ATM: variants seen among roughly 807,000 people sequenced by gnomAD.
ATM encodes the protein serine-protein kinase ATM.
In ATM, 308 loss-of-function variants were observed where a neutral mutation model predicts 387.0. The observed-to-expected ratio is 0.80, with a 90% CI of 0.73 to 0.87. The LOEUF (loss-of-function observed/expected upper bound fraction) is 0.87, where lower values mean the gene tolerates loss of function less well. ATM is among the 40% of genes least tolerant of loss of function. The probability of loss-of-function intolerance (pLI) is 0.00; values close to 1 mark genes in which losing one functional copy is unlikely to be tolerated. For missense variants in ATM, 3,312 were observed against 3,560.9 expected (o/e 0.93, Z 1.78); for synonymous variants, 1,156 against 1,187.3 (o/e 0.97, Z 0.54).
At chr11:108,267,464 A>G in intron 17 of ATM, 122 bp downstream of exon 17, 3 of 811,602 alleles carry the variant, frequency 3.7e-6, no homozygotes, top group Non-Finnish European at 6.0e-6. Flanking sequence ...GCCTTTTAGG[A>G]TTGTTCCTTT....
chr11:108,237,519 C>T (rs943909250), intron 5 of ATM, among the ~76,000 whole-genome samples: 7 of 151,898 alleles, frequency 4.6e-5, no homozygotes, highest in Non-Finnish European at 7.4e-5. Context: ...CACTTCTTCC[C>T]GGATGTTACT....
At position 108,235,371 on chromosome 11, in the gene ATM, A is replaced by G. The variant is rs187425055; in HGVS notation, c.332-299A>G. On this transcript the variant is annotated intron_variant, in intron 4 of 62. Coordinates refer to ENST00000675843, the MANE Select transcript of ATM (RefSeq NM_000051.4). ...AGGCGTTGGCAAACTTACTGTGTAA[A>G]GAGGCCAGATAGTAAATGTTCTTGA... 7.2e-4 allele frequency among the ~76,000 whole-genome samples: 109 copies of G among 152,312 alleles called. 1 individual carries two copies. Among genetic ancestry groups the G allele is most frequent in the African/African-American group, 2.5e-3 (103 of 41,576 alleles).
chr11:108,236,147 G>A (rs2079266037), intron 5 of ATM: 1 of 379,938 alleles, frequency 2.6e-6, no homozygotes, highest in African/African-American at 2.1e-5. Context: ...AATGTGCTGT[G>A]ATACAGACAT....
intron 27 of ATM, among the ~76,000 whole-genome samples, chr11:108,288,012 T>C (rs1368155801): frequency 6.6e-6 from 1 of 152,148 alleles, no homozygotes; most frequent in Non-Finnish European, 1.5e-5. Flanking sequence ...AATTTTTTTC[T>C]TCATACACAT....
chr11:108,348,127 A>T (rs1435615954), intron 59 of ATM, among the ~76,000 whole-genome samples: 2 of 152,102 alleles, frequency 1.3e-5, no homozygotes, highest in African/African-American at 4.8e-5. Flanking sequence ...GAAAGTGATG[A>T]ATTTAGTTTT....
intron 48 of ATM, 105 bp from the exon 49 acceptor site, chr11:108,328,916 A>T: frequency 8.3e-7 from 1 of 1,205,808 alleles, no homozygotes; most frequent in African/African-American, 1.5e-5. Flanking sequence ...GCTAGCTTTT[A>T]TATGTATATA....
intron 24 of ATM, 132 bp from the exon 25 acceptor site, chr11:108,282,578 C>G (rs2082287068): frequency 2.5e-6 from 2 of 796,312 alleles, no homozygotes; most frequent in Non-Finnish European, 4.0e-6. Flanking sequence ...TTATTCCCAT[C>G]TCATAGATGA....
At position 108,365,251 on chromosome 11, in the gene ATM, G is replaced by T. The variant is rs776219204; in HGVS notation, c.8987+33G>T. On this transcript the variant is annotated intron_variant, in intron 62 of 62. Coordinates refer to ENST00000675843, the MANE Select transcript of ATM (RefSeq NM_000051.4). ...GTATTTTAAGAAGGTCCTGTTGTCA[G>T]TTTTTCAGATTTTCTTATTCCCAAG... 23 of 1,614,168 alleles carry T rather than the reference G, an allele frequency of 1.4e-5. No homozygotes were observed. The South Asian group carries it at 2.4e-4, about 17-fold the overall frequency.
At chr11:108,329,642 C>A (rs2086053292) in intron 49 of ATM, among the ~76,000 whole-genome samples, 1 of 152,150 alleles carries the variant, frequency 6.6e-6, no homozygotes. Flanking sequence ...AACTCATGGG[C>A]TCAAACGATC....
chr11:108,272,332 G>A (rs930562500), intron 20 of ATM, among the ~76,000 whole-genome samples, 200 bp from the exon 21 acceptor site: 2 of 152,126 alleles, frequency 1.3e-5, no homozygotes, highest in African/African-American at 4.8e-5. Flanking sequence ...AATAATATAC[G>A]CTAAAATGAA....
At chr11:108,261,293 G>T (rs1054411102) in intron 16 of ATM, among the ~76,000 whole-genome samples, 1 of 152,160 alleles carries the variant, frequency 6.6e-6, no homozygotes, top group African/African-American at 2.4e-5. Context: ...ATCTGAGAAC[G>T]GGCAGACTGC....
chr11:108,270,976 G>A, intron 18 of ATM, 88 bp from the exon 19 acceptor site: 1 of 1,101,840 alleles, frequency 9.1e-7, no homozygotes, highest in Non-Finnish European at 1.4e-6. Flanking sequence ...TTACAGGTGT[G>A]AGCCACTGCA....
rs761467571 is a variant in ATM, at chr11:108,329,286, AGT to A, written c.7307+50_7307+51del. On this transcript the variant is annotated intron_variant, in intron 49 of 62. Transcript: ENST00000675843. Reference sequence around the variant, plus strand: ...CAATTTTATGTTCACCAGTTAACTGAGTGAGTGTTTTTGCATAGAAAGAGTGA... The same window carrying A: ...CAATTTTATGTTCACCAGTTAACTGAGAGTGTTTTTGCATAGAAAGAGTGA... The A allele has an allele frequency of 1.7e-5, 26 of 1,502,908 alleles. No homozygotes were observed. The highest frequency in any genetic ancestry group is 2.3e-5 in the Non-Finnish European group (25 of 1,087,128). The allele number at this position is 1,502,908 out of a possible 1,614,324, so 93.1% of individuals were successfully genotyped here.
At chr11:108,304,892 G>T in intron 37 of ATM, 40 bp downstream of exon 37, 1 of 1,594,416 alleles carries the variant, frequency 6.3e-7, no homozygotes, top group South Asian at 1.1e-5. Context: ...TGTAAACTCA[G>T]TTCTAGAGAA....
chr11:108,261,248 A>G (rs920244267), intron 16 of ATM, among the ~76,000 whole-genome samples: 1 of 152,202 alleles, frequency 6.6e-6, no homozygotes, highest in African/African-American at 2.4e-5. Context: ...GACAGCTTTG[A>G]AGAGAGCAGT....
At chr11:108,278,580 C>T (rs916420619) in intron 22 of ATM, among the ~76,000 whole-genome samples, 8 of 151,986 alleles carry the variant, frequency 5.3e-5, no homozygotes, top group Non-Finnish European at 8.8e-5. Context: ...TGGCATATGG[C>T]GTCTACATCT....
At chr11:108,309,962 C>G (rs2084002434) in intron 38 of ATM, among the ~76,000 whole-genome samples, 198 bp from the exon 39 acceptor site, 1 of 151,926 alleles carries the variant, frequency 6.6e-6, no homozygotes, top group Non-Finnish European at 1.5e-5. Context: ...AAAAGAAAAA[C>G]CAAAAAGATT....
intron 4 of ATM, chr11:108,231,542 A>C: frequency 6.6e-6 from 1 of 152,062 alleles, no homozygotes; most frequent in African/African-American, 2.4e-5. Flanking sequence ...CTAAAAGTAC[A>C]AAAAATAGCT....
At chr11:108,304,648 T>C (rs2135941860) in intron 36 of ATM, 27 bp from the exon 37 acceptor site, 1 of 1,605,852 alleles carries the variant, frequency 6.2e-7, no homozygotes, top group Non-Finnish European at 8.5e-7. Context: ...ACTCAAACTA[T>C]TGGGTGGATT....
Sources: allele counts gnomAD v4.1 joint callset (sites outside exome capture counted in the v4.1 genomes callset), GRCh38; gene constraint gnomAD v4.1.1; transcripts MANE v1.5; gene names NCBI Gene and HGNC (gene_info 2026-07-23, HGNC 2026-07-21).